ENPEP: variants seen among roughly 807,000 people sequenced by gnomAD.
The protein encoded by ENPEP is AP-A.
A neutral mutation model predicts 114.5 loss-of-function variants in ENPEP; 103 were observed. The ratio of observed to expected loss-of-function variants is 0.90; its 90% confidence interval spans 0.77 to 1.06. ENPEP has a LOEUF of 1.06. ENPEP is among the 50% of genes least tolerant of loss of function. The probability of loss-of-function intolerance (pLI) is 0.00; values close to 1 mark genes in which losing one functional copy is unlikely to be tolerated. For synonymous variants in ENPEP, 420 were observed against 422.0 expected, an observed-to-expected ratio of 1.00 and a Z score of 0.06; for missense variants, 1,196 against 1,161.3, an observed-to-expected ratio of 1.03 and a Z score of -0.43.
chr4:110,487,217 C>T (rs186195233), intron 1 of ENPEP, among the ~76,000 whole-genome samples: 1 of 152,330 alleles, frequency 6.6e-6, no homozygotes, highest in East Asian at 1.9e-4. Flanking sequence ...AATTTCTAAT[C>T]TTGTAGCTAA....
intron 1 of ENPEP, among the ~76,000 whole-genome samples, chr4:110,482,986 G>T (rs1425404079): frequency 6.6e-6 from 1 of 152,164 alleles, no homozygotes; most frequent in East Asian, 1.9e-4. Context: ...TCTAGCCTGG[G>T]TGACAGAGTG....
chr4:110,531,123 T>A, intron 10 of ENPEP, 75 bp from the exon 11 acceptor site: 1 of 928,876 alleles, frequency 1.1e-6, no homozygotes, highest in Non-Finnish European at 1.5e-6. Context: ...GTCTATTGCT[T>A]TTTAGTGATT....
intron 1 of ENPEP, among the ~76,000 whole-genome samples, chr4:110,480,957 C>T (rs1166610348): frequency 6.6e-6 from 1 of 152,182 alleles, no homozygotes; most frequent in Non-Finnish European, 1.5e-5. Context: ...CATTTTCTCA[C>T]CGTGTTACGT....
chr4:110,556,380 C>G (rs745757351), intron 18 of ENPEP, among the ~76,000 whole-genome samples: 29 of 151,736 alleles, frequency 1.9e-4, no homozygotes, highest in Non-Finnish European at 3.8e-4. Context: ...TGGTTTATAA[C>G]TTGCTTTTTT....
At chr4:110,480,862 T>C (rs2110330797) in intron 1 of ENPEP, among the ~76,000 whole-genome samples, 1 of 152,250 alleles carries the variant, frequency 6.6e-6, no homozygotes, top group East Asian at 1.9e-4. Flanking sequence ...TCCTACTCGC[T>C]AGTCTATTCT....
chr4:110,497,559 A>G (rs1055672015), intron 3 of ENPEP, among the ~76,000 whole-genome samples: 1 of 152,180 alleles, frequency 6.6e-6, no homozygotes, highest in Non-Finnish European at 1.5e-5. Flanking sequence ...CAGACAACTT[A>G]AATTTTAACT....
Position 110,549,773 on chromosome 4 carries a change from T to C in ENPEP, c.2388T>C (p.Asn796=), listed in dbSNP as rs755402374. The change falls in exon 17 of 20, where the codon AAT becomes AAC. Residue 796 remains asparagine, a synonymous_variant. Coordinates refer to ENST00000265162, the MANE Select transcript of ENPEP (RefSeq NM_001977.4). Reference sequence around the variant, plus strand: ...GGTATGGGATGCAGAACTCTGGCAATGAGATTTCATGGAACTACACTCTTG... The same window carrying C: ...GGTATGGGATGCAGAACTCTGGCAACGAGATTTCATGGAACTACACTCTTG... The part of the protein sequence containing the change: ...VYRYGMQNSG[N]EISWNYTLEQ... The C allele has an allele frequency of 1.9e-6, 3 of 1,613,386 alleles. No individual in the cohort carries two copies. The highest frequency in any genetic ancestry group is 1.7e-5 in the Admixed American group (1 of 59,896).
chr4:110,502,175 G>T (rs1725187879), intron 3 of ENPEP, among the ~76,000 whole-genome samples: 1 of 152,094 alleles, frequency 6.6e-6, no homozygotes, highest in Non-Finnish European at 1.5e-5. Context: ...ACAGATTCTG[G>T]ATATTTTACC....
chr4:110,557,633 G>T (rs1727524929), intron 18 of ENPEP, among the ~76,000 whole-genome samples: 1 of 152,178 alleles, frequency 6.6e-6, no homozygotes, highest in African/African-American at 2.4e-5. Flanking sequence ...CAGAGGGCTA[G>T]GTGAAAGGGT....
chr4:110,536,536 A>T (rs1412307867), intron 11 of ENPEP, among the ~76,000 whole-genome samples: 2 of 152,224 alleles, frequency 1.3e-5, no homozygotes, highest in Admixed American at 6.5e-5. Flanking sequence ...AAGGAAGGCT[A>T]ACATAGTCCA....
intron 17 of ENPEP, among the ~76,000 whole-genome samples, chr4:110,552,887 G>A (rs1215775657): frequency 6.6e-6 from 1 of 152,050 alleles, no homozygotes; most frequent in Non-Finnish European, 1.5e-5. Flanking sequence ...GAATATAAGA[G>A]CATAGATACA....
chr4:110,540,933 T>C (rs1267009985), intron 11 of ENPEP, among the ~76,000 whole-genome samples: 1 of 152,268 alleles, frequency 6.6e-6, no homozygotes, highest in African/African-American at 2.4e-5. Context: ...GGTCAAGTGA[T>C]CTGGCCAAGG....
intron 1 of ENPEP, 139 bp downstream of exon 1, chr4:110,477,197 C>CCAG: frequency 1.6e-6 from 2 of 1,264,330 alleles, no homozygotes; most frequent in South Asian, 1.6e-5. Flanking sequence ...TCTGGCTGTC[C>CCAG]ATCTGGGAAG....
At chr4:110,533,300 T>C (rs895967614) in intron 11 of ENPEP, 1 of 201,360 alleles carries the variant, frequency 5.0e-6, no homozygotes, top group Non-Finnish European at 1.1e-5. Context: ...CTAATATGTG[T>C]TATGTACTCC....
chr4:110,488,720 C>T, intron 2 of ENPEP, 38 bp downstream of exon 2: 1 of 1,582,154 alleles, frequency 6.3e-7, no homozygotes, highest in Non-Finnish European at 8.6e-7. Context: ...TGCAGAGAGT[C>T]TGTTGACAAC....
chr4:110,559,806 G>A (rs751440106), intron 19 of ENPEP, 81 bp downstream of exon 19: 4 of 1,110,144 alleles, frequency 3.6e-6, no homozygotes, highest in Non-Finnish European at 5.4e-6. Flanking sequence ...TTTAAGTTCT[G>A]GAATACATGT....
chr4:110,479,232 G>T lies in ENPEP; in HGVS notation c.644+2174G>T, dbSNP rs193286509. Reference sequence around the variant, plus strand: ...TCAATGCTTTAAGATGTCATTTGATGTTCTTCCACAAATGATTCGATGGAT... The same window carrying T: ...TCAATGCTTTAAGATGTCATTTGATTTTCTTCCACAAATGATTCGATGGAT... On this transcript the variant is annotated intron_variant, in intron 1 of 19. Transcript: ENST00000265162. Among the ~76,000 whole-genome samples, 3 of 152,250 alleles carry T rather than the reference G, an allele frequency of 2.0e-5. No individual in the cohort carries two copies. The East Asian group carries it at 5.8e-4, about 29-fold the overall frequency.
At chr4:110,526,044 G>C (rs889352537) in intron 10 of ENPEP, among the ~76,000 whole-genome samples, 13 of 152,122 alleles carry the variant, frequency 8.5e-5, no homozygotes, top group Non-Finnish European at 1.9e-4. Flanking sequence ...GGGAGGCCTA[G>C]GTGGGTGGAT....
chr4:110,556,642 G>A (rs1727483790), intron 18 of ENPEP, among the ~76,000 whole-genome samples: 1 of 152,066 alleles, frequency 6.6e-6, no homozygotes, highest in African/African-American at 2.4e-5. Context: ...AGTAGTGGTA[G>A]AAGTAATGCT....
Sources: allele counts gnomAD v4.1 joint callset (sites outside exome capture counted in the v4.1 genomes callset), GRCh38; gene constraint gnomAD v4.1.1; transcripts MANE v1.5; gene names NCBI Gene and HGNC (gene_info 2026-07-23, HGNC 2026-07-21).